ZMIZ1: variants seen among roughly 807,000 people sequenced by gnomAD.
ZMIZ1 encodes the protein zinc finger MIZ domain-containing protein 1.
In ZMIZ1, 17 loss-of-function variants were observed where a neutral mutation model predicts 113.9. That is an observed-to-expected ratio of 0.15 (90% CI 0.10 to 0.22). The LOEUF is 0.22. ZMIZ1 is among the 10% of genes least tolerant of loss of function. The pLI, the probability that ZMIZ1 is intolerant of heterozygous loss-of-function variation, is 1.00. For synonymous variants in ZMIZ1, 607 were observed against 603.1 expected, an observed-to-expected ratio of 1.01 and a Z score of -0.09; for missense variants, 1,059 against 1,477.8, an observed-to-expected ratio of 0.72 and a Z score of 4.65.
intron 1 of ZMIZ1, among the ~76,000 whole-genome samples, chr10:79,110,989 C>T (rs555992852): frequency 6.6e-6 from 1 of 152,186 alleles, no homozygotes; most frequent in Non-Finnish European, 1.5e-5. Flanking sequence ...CCACTGGCAC[C>T]GAGGGACTCC....
chr10:79,103,928 G>A (rs969300332), intron 1 of ZMIZ1, among the ~76,000 whole-genome samples: 10 of 152,208 alleles, frequency 6.6e-5, no homozygotes, highest in African/African-American at 2.4e-4. Context: ...AGCACCATTT[G>A]CCATTGGCTG....
At position 79,189,892 on chromosome 10, in the gene ZMIZ1, G is replaced by A. The variant is rs138317174; in HGVS notation, c.-49-11692G>A. 2.2e-4 allele frequency among the ~76,000 whole-genome samples: 33 copies of A among 152,334 alleles called. No homozygotes were observed. The East Asian group carries it at 3.9e-3, about 18-fold the overall frequency. On this transcript the variant is annotated intron_variant, in intron 4 of 24. Transcript: ENST00000334512. ...AATGAGGGCCCTCTGCTCTTGGGCC[G>A]AGGTGGCTCAGTCCCCTGAGTAGCC...
At chr10:79,262,248 T>C (rs112939530) in intron 7 of ZMIZ1, among the ~76,000 whole-genome samples, 6,846 of 152,338 alleles carry the variant, frequency 0.045, 171 homozygotes, top group African/African-American at 0.051. Context: ...CAGCAGCACC[T>C]GAGACCTGGC....
chr10:79,093,167 CACACACACAT>C (rs1379929531), intron 1 of ZMIZ1, among the ~76,000 whole-genome samples: 14 of 129,802 alleles, frequency 1.1e-4, no homozygotes, highest in East Asian at 5.1e-4. Flanking sequence ...CACACACACA[CACACACACAT>C]ATTCAGGGGA....
At chr10:79,263,882 T>C (rs1284898865) in intron 7 of ZMIZ1, among the ~76,000 whole-genome samples, 1 of 152,136 alleles carries the variant, frequency 6.6e-6, no homozygotes, top group African/African-American at 2.4e-5. Context: ...CTTCTTCTTA[T>C]GCTGGGTGGG....
At position 79,198,110 on chromosome 10, in the gene ZMIZ1, C is replaced by T. The variant is rs550750268; in HGVS notation, c.-49-3474C>T. On this transcript the variant is annotated intron_variant, in intron 4 of 24. Transcript: ENST00000334512. ...CCATCTCTACTAAAAATACAAAAAA[C>T]TAGCCGGACGTGGTGGTGGGCGCCT... 1.1e-3 allele frequency among the ~76,000 whole-genome samples: 163 copies of T among 152,072 alleles called. 1 individual carries two copies. The highest frequency in any genetic ancestry group is 3.4e-3 in the Middle Eastern group (1 of 294).
intron 1 of ZMIZ1, among the ~76,000 whole-genome samples, chr10:79,112,362 G>T (rs1364563850): frequency 6.6e-6 from 1 of 152,188 alleles, no homozygotes; most frequent in Non-Finnish European, 1.5e-5. Context: ...AGCAATTCAG[G>T]TGGGAGCATG....
At chr10:79,077,992 A>G (rs957202559) in intron 1 of ZMIZ1, among the ~76,000 whole-genome samples, 1 of 152,158 alleles carries the variant, frequency 6.6e-6, no homozygotes, top group African/African-American at 2.4e-5. Flanking sequence ...AGGCTTCCTG[A>G]TCTCCAACTC....
At position 79,121,902 on chromosome 10, in the gene ZMIZ1, G is replaced by T. The variant is rs149388753; in HGVS notation, c.-227+2878G>T. 6.3e-3 allele frequency among the ~76,000 whole-genome samples: 961 copies of T among 152,268 alleles called. 5 individuals are homozygous for T. Among genetic ancestry groups the T allele is most frequent in the Non-Finnish European group, 0.01 (685 of 68,024 alleles). ...AGTGAGAGTTTATTCATGGCCCTTCGCACCTGCATCTGTACCCAACAATAC... is the reference window on the plus strand; with the variant it reads ...AGTGAGAGTTTATTCATGGCCCTTCTCACCTGCATCTGTACCCAACAATAC... On this transcript the variant is annotated intron_variant, in intron 2 of 24. Transcript: ENST00000334512.
chr10:79,292,119 C>T, intron 10 of ZMIZ1, 39 bp from the exon 11 acceptor site: 1 of 1,565,120 alleles, frequency 6.4e-7, no homozygotes, highest in Non-Finnish European at 8.7e-7. Context: ...CCCTCAGATG[C>T]AGGCAGTACC....
chr10:79,148,750 C>A (rs184249238), intron 3 of ZMIZ1, among the ~76,000 whole-genome samples: 1 of 152,328 alleles, frequency 6.6e-6, no homozygotes, highest in Admixed American at 6.5e-5. Flanking sequence ...TTACTACTGC[C>A]GTCTTGTAGT....
At chr10:79,087,800 C>T (rs1589256334) in intron 1 of ZMIZ1, among the ~76,000 whole-genome samples, 1 of 152,326 alleles carries the variant, frequency 6.6e-6, no homozygotes, top group East Asian at 1.9e-4. Context: ...ATCCTGCAAA[C>T]TCTGCCCAAG....
chr10:79,292,766 T>G (rs1314051194), intron 11 of ZMIZ1: 1 of 466,712 alleles, frequency 2.1e-6, no homozygotes, highest in African/African-American at 2.0e-5. Context: ...TCACCCTATC[T>G]GTGGGTCTGC....
intron 2 of ZMIZ1, among the ~76,000 whole-genome samples, chr10:79,136,374 G>A (rs1432896572): frequency 6.6e-6 from 1 of 152,248 alleles, no homozygotes; most frequent in East Asian, 1.9e-4. Flanking sequence ...AAGGACCCCA[G>A]CCCTGCCTTG....
At chr10:79,164,269 C>T (rs143758611) in intron 4 of ZMIZ1, among the ~76,000 whole-genome samples, 3 of 152,224 alleles carry the variant, frequency 2.0e-5, no homozygotes, top group African/African-American at 7.2e-5. Context: ...GCTGCCTTTC[C>T]CTGGACTCAG....
chr10:79,172,429 G>A (rs1005571742), intron 4 of ZMIZ1, among the ~76,000 whole-genome samples: 1 of 152,172 alleles, frequency 6.6e-6, no homozygotes, highest in Non-Finnish European at 1.5e-5. Context: ...AGATGGTCAT[G>A]GTTATGATAA....
intron 4 of ZMIZ1, among the ~76,000 whole-genome samples, chr10:79,174,215 A>C (rs1846722912): frequency 6.6e-6 from 1 of 152,176 alleles, no homozygotes; most frequent in African/African-American, 2.4e-5. Context: ...AGCCCTTCTC[A>C]GCATCACCCA....
At chr10:79,230,882 A>T (rs1359511) in intron 7 of ZMIZ1, among the ~76,000 whole-genome samples, 21 of 152,210 alleles carry the variant, frequency 1.4e-4, no homozygotes, top group Admixed American at 4.6e-4. Flanking sequence ...AACAAAAGAG[A>T]AGAAAGACAC....
chr10:79,189,785 C>G (rs1221896637), intron 4 of ZMIZ1, among the ~76,000 whole-genome samples: 1 of 152,208 alleles, frequency 6.6e-6, no homozygotes, highest in Non-Finnish European at 1.5e-5. Flanking sequence ...ATTTTTGTCT[C>G]TGTTGGTTTT....
Sources: gnomAD v4.1 joint callset for allele counts (sites outside exome capture counted in the v4.1 genomes callset) on GRCh38, gnomAD v4.1.1 for gene constraint, MANE v1.5 for transcripts, NCBI Gene and HGNC (gene_info 2026-07-23, HGNC 2026-07-21) for gene names.